The following PCDHA5 variants were observed in gnomAD, a reference collection of about 807,000 sequenced individuals.
PCDHA5 encodes the protein protocadherin alpha 5.
In PCDHA5, 43 loss-of-function variants were observed where a neutral mutation model predicts 61.6. That is an observed-to-expected ratio of 0.70 (90% CI 0.55 to 0.90). PCDHA5 has a LOEUF of 0.90. PCDHA5 is among the 40% of genes least tolerant of loss of function. PCDHA5 has a pLI of 0.00. For missense variants in PCDHA5, 1,298 were observed against 1,222.7 expected (o/e 1.06, Z -0.92); for synonymous variants, 627 against 543.9 (o/e 1.15, Z -2.13).
intron 1 of PCDHA5, among the ~76,000 whole-genome samples, chr5:140,840,993 A>C (rs1209699750): frequency 6.6e-6 from 1 of 152,060 alleles, no homozygotes; most frequent in Admixed American, 6.6e-5. Flanking sequence ...AGCTGAAACT[A>C]ATGTAAGGAG....
chr5:140,960,293 T>C (rs990761387), intron 1 of PCDHA5, among the ~76,000 whole-genome samples: 5 of 152,174 alleles, frequency 3.3e-5, no homozygotes, highest in Non-Finnish European at 7.3e-5. Flanking sequence ...ACCCAGTTTC[T>C]TCATCAATAC....
intron 1 of PCDHA5, chr5:140,856,071 TG>T: frequency 6.3e-7 from 1 of 1,591,920 alleles, no homozygotes; most frequent in East Asian, 2.2e-5. Flanking sequence ...TGTAGCTGCC[TG>T]GGGGTCCAGT....
rs1041924506 is a variant in PCDHA5 at position 140,932,800 on chromosome 5, C to T, written c.2353-46149C>T. ...GAGTGGACATAAGAGAAAAGCAATA[C>T]CTTGGAAACATATAAGTGGGAAAGT... On this transcript the variant is annotated intron_variant, in intron 1 of 3. Coordinates refer to ENST00000529859, the MANE Select transcript of PCDHA5 (RefSeq NM_018908.3). Among the ~76,000 whole-genome samples the T allele has an allele frequency of 2.6e-5, 4 of 151,684 alleles. No homozygotes were observed. The East Asian group carries it at 5.8e-4, about 22-fold the overall frequency.
intron 1 of PCDHA5, among the ~76,000 whole-genome samples, chr5:140,920,489 A>G (rs1323711960): frequency 2.6e-5 from 4 of 152,182 alleles, no homozygotes; most frequent in African/African-American, 9.7e-5. Flanking sequence ...TGGTCCAACA[A>G]TAGAGTTCTA....
intron 1 of PCDHA5, among the ~76,000 whole-genome samples, chr5:140,945,740 C>A (rs966678098): frequency 5.9e-5 from 9 of 151,998 alleles, no homozygotes; most frequent in African/African-American, 2.2e-4. Flanking sequence ...AAAAGGACAG[C>A]CTCTTCAATA....
At chr5:140,986,019 G>A (rs562523452) in intron 3 of PCDHA5, among the ~76,000 whole-genome samples, 66 of 152,154 alleles carry the variant, frequency 4.3e-4, no homozygotes, top group Middle Eastern at 3.4e-3. Flanking sequence ...GATTACAGGC[G>A]TGAGCCACTG....
intron 1 of PCDHA5, among the ~76,000 whole-genome samples, chr5:140,943,257 C>CAAA (rs1238620023): frequency 1.0e-4 from 8 of 76,640 alleles, no homozygotes; most frequent in Admixed American, 6.0e-4. Context: ...GACTCTGTCT[C>CAAA]AAAAAAAAAA....
chr5:140,997,668 TTG>T (rs35184029), intron 3 of PCDHA5, among the ~76,000 whole-genome samples: 38,693 of 147,760 alleles, frequency 0.26, 5,114 homozygotes, highest in Middle Eastern at 0.39. Flanking sequence ...ATTATACAGC[TTG>T]TGTGTGTGTG....
intron 1 of PCDHA5, chr5:140,969,627 G>A: frequency 1.5e-6 from 1 of 664,866 alleles, no homozygotes; most frequent in Non-Finnish European, 2.5e-6. Flanking sequence ...AGAGAAACAG[G>A]ACAGGCCTTG....
At chr5:140,884,511 G>T (rs1202323930) in intron 1 of PCDHA5, 6 of 1,614,074 alleles carry the variant, frequency 3.7e-6, no homozygotes, top group African/African-American at 1.3e-5. Context: ...GCAGGGAGTT[G>T]GTCGTACTCG....
At chr5:140,876,810 C>A in intron 1 of PCDHA5, 2 of 1,614,154 alleles carry the variant, frequency 1.2e-6, no homozygotes, top group Non-Finnish European at 1.7e-6. Flanking sequence ...TGGAGGTGGC[C>A]GACGTGAACG....
At chr5:140,911,985 A>C (rs1554195072) in intron 1 of PCDHA5, among the ~76,000 whole-genome samples, 2 of 152,204 alleles carry the variant, frequency 1.3e-5, no homozygotes, top group African/African-American at 4.8e-5. Flanking sequence ...CATGATCACA[A>C]GGTCCCACAA....
At position 141,010,553 on chromosome 5, in the gene PCDHA5, C is replaced by T; in HGVS notation, c.*616C>T. ...CCACCCTCTAGGAGACAAAACTACC[C>T]CCACTGACAAGGCTTTAGGAGACCC... is the stretch of plus-strand genomic sequence containing the variant. On this transcript the variant is annotated 3_prime_UTR_variant, in exon 4 of 4. Transcript: ENST00000529859. The T allele has an allele frequency of 6.2e-6, 2 of 323,850 alleles. No homozygotes were observed. The highest frequency in any genetic ancestry group is 1.1e-5 in the Non-Finnish European group (2 of 176,368). 20.1% of individuals were successfully genotyped at this position (323,850 alleles called of 1,614,324 possible). A position where few individuals can be genotyped will look rare whatever the true frequency, so the allele number is the denominator to read the frequency against.
chr5:140,890,043 G>GT (rs1255415089), intron 1 of PCDHA5, among the ~76,000 whole-genome samples: 1 of 152,192 alleles, frequency 6.6e-6, no homozygotes, highest in Non-Finnish European at 1.5e-5. Context: ...ACTGTAGTGT[G>GT]TTGGAGCTGG....
chr5:140,896,847 A>G (rs892276664), intron 1 of PCDHA5, among the ~76,000 whole-genome samples: 5 of 152,064 alleles, frequency 3.3e-5, no homozygotes, highest in African/African-American at 4.8e-5. Flanking sequence ...TTTTAATTTT[A>G]TGGGTACATA....
At chr5:140,980,440 G>A (rs1317929590) in intron 2 of PCDHA5, among the ~76,000 whole-genome samples, 1 of 152,144 alleles carries the variant, frequency 6.6e-6, no homozygotes, top group African/African-American at 2.4e-5. Flanking sequence ...GACCATCCTG[G>A]ACAACACGGT....
intron 3 of PCDHA5, among the ~76,000 whole-genome samples, chr5:140,999,505 A>T (rs1221080631): frequency 1.3e-5 from 2 of 152,134 alleles, no homozygotes; most frequent in African/African-American, 4.8e-5. Context: ...AAGAACCTAC[A>T]TTTTAAGCAT....
At chr5:140,905,958 G>T (rs1554192269) in intron 1 of PCDHA5, among the ~76,000 whole-genome samples, 1 of 152,184 alleles carries the variant, frequency 6.6e-6, no homozygotes, top group Non-Finnish European at 1.5e-5. Context: ...GATGTTCAAG[G>T]GGAGGAAGAT....
At chr5:141,008,356 A>G (rs1440951671) in intron 3 of PCDHA5, among the ~76,000 whole-genome samples, 1 of 152,204 alleles carries the variant, frequency 6.6e-6, no homozygotes, top group Non-Finnish European at 1.5e-5. Context: ...CGTGTCAACC[A>G]AAGGAGCAGT....
Sources: gnomAD v4.1 joint callset for allele counts (sites outside exome capture counted in the v4.1 genomes callset) on GRCh38, gnomAD v4.1.1 for gene constraint, MANE v1.5 for transcripts, NCBI Gene and HGNC (gene_info 2026-07-23, HGNC 2026-07-21) for gene names.